GNB1: variants seen among roughly 807,000 people sequenced by gnomAD.
The protein encoded by GNB1 is guanine nucleotide-binding protein G(I)/G(S)/G(T) subunit beta-1.
A neutral mutation model predicts 42.9 loss-of-function variants in GNB1; 2 were observed. The ratio of observed to expected loss-of-function variants is 0.05; its 90% CI spans 0.02 to 0.15. The LOEUF is 0.15. GNB1 is among the 10% of genes least tolerant of loss of function. GNB1 has a pLI of 1.00. For missense variants in GNB1, 193 were observed against 462.2 expected (o/e 0.42, Z 5.34); for synonymous variants, 183 against 174.7 (o/e 1.05, Z -0.38).
chr1:1,843,598 T>C (rs1301538217), intron 1 of GNB1, among the ~76,000 whole-genome samples: 4 of 152,112 alleles, frequency 2.6e-5, no homozygotes, highest in Admixed American at 6.6e-5. Context: ...ATGCTAAAAG[T>C]GCTATCAAAT....
intron 1 of GNB1, among the ~76,000 whole-genome samples, chr1:1,840,515 G>A (rs968091970): frequency 1.3e-5 from 2 of 152,236 alleles, no homozygotes; most frequent in Admixed American, 6.5e-5. Context: ...GTGACAGTGC[G>A]AGACTCTGTC....
intron 1 of GNB1, among the ~76,000 whole-genome samples, chr1:1,870,112 T>C (rs1649168123): frequency 6.6e-6 from 1 of 152,268 alleles, no homozygotes; most frequent in African/African-American, 2.4e-5. Flanking sequence ...CTGCCCGCCA[T>C]GGCCTCCCAA....
rs1158398471 is a variant in GNB1, at chr1:1,785,871, G to A, written c.*1192C>T. ...GCTACCCAAGCGTGTAGAGCCGCGC[G>A]CTGTACTGCTTCCGATATGTGCCAC... is the stretch of plus-strand genomic sequence containing the variant. On this transcript the variant is annotated 3_prime_UTR_variant, in exon 12 of 12. Transcript: ENST00000378609. 5.1e-6 allele frequency: 2 copies of A among 394,374 alleles called. No individual in the cohort carries two copies. The highest frequency in any genetic ancestry group is 6.3e-4 in the Middle Eastern group (1 of 1,592). The allele number at this position is 394,374 out of a possible 1,614,324, so 24.4% of individuals were successfully genotyped here. A position where few individuals can be genotyped will look rare whatever the true frequency, so the allele number is the denominator to read the frequency against.
chr1:1,789,273 G>C lies in GNB1; in HGVS notation c.700-4C>G. The stretch of plus-strand genomic sequence containing the variant: ...ATGCATTGCCATTTGGAAAGAACTG[G>C]AAAGAGAAAGCAAATCAAGACATCA... On this transcript the variant is annotated splice_region_variant and splice_polypyrimidine_tract_variant and intron_variant, in intron 9 of 11. Coordinates refer to ENST00000378609, the MANE Select transcript of GNB1 (RefSeq NM_002074.5). The C allele has an allele frequency of 6.5e-7, 1 of 1,546,936 alleles. No individual in the cohort carries two copies. Among genetic ancestry groups the C allele is most frequent in the South Asian group, 1.1e-5 (1 of 89,708 alleles).
At chr1:1,812,468 A>G (rs1646795828) in intron 5 of GNB1, among the ~76,000 whole-genome samples, 1 of 152,090 alleles carries the variant, frequency 6.6e-6, no homozygotes, top group Non-Finnish European at 1.5e-5. Flanking sequence ...TTAAAGAGGC[A>G]AACACTGGCC....
intron 1 of GNB1, among the ~76,000 whole-genome samples, chr1:1,873,688 GTCACCTGTAA>G (rs1444524513): frequency 2.0e-5 from 3 of 152,140 alleles, no homozygotes. Flanking sequence ...AGGTGGGCGG[GTCACCTGTAA>G]TCCCAGCTAC....
chr1:1,786,046 T>C lies in GNB1; in HGVS notation c.*1017A>G, dbSNP rs1434286263. On this transcript the variant is annotated 3_prime_UTR_variant, in exon 12 of 12. Transcript: ENST00000378609. ...ATTCTAAGAGTAAACCCACCCAATA[T>C]GGCAAACAATCAAAATTTTTAAAAT... The C allele has an allele frequency of 5.0e-6, 2 of 398,530 alleles. No individual in the cohort carries two copies. Among genetic ancestry groups the C allele is most frequent in the Non-Finnish European group, 8.8e-6 (2 of 226,052 alleles). 24.7% of individuals were successfully genotyped at this position (398,530 alleles called of 1,614,324 possible). A position where few individuals can be genotyped will look rare whatever the true frequency, so the allele number is the denominator to read the frequency against.
chr1:1,793,186 G>C, intron 8 of GNB1, 59 bp downstream of exon 8: 3 of 1,003,902 alleles, frequency 3.0e-6, no homozygotes, highest in East Asian at 2.4e-5. Flanking sequence ...TGTTCACAGA[G>C]GAATGTGCCA....
chr1:1,850,439 C>T (rs369845495), intron 1 of GNB1, among the ~76,000 whole-genome samples: 3 of 151,612 alleles, frequency 2.0e-5, no homozygotes, highest in African/African-American at 4.8e-5. Context: ...AGCCTAAATG[C>T]TATTTTTGTT....
rs527868159 is a variant in GNB1 at position 1,859,372 on chromosome 1, A to T, written c.-95-20134T>A. Among the ~76,000 whole-genome samples, 3 of 151,940 alleles carry T rather than the reference A, an allele frequency of 2.0e-5. No homozygotes were observed. The East Asian group carries it at 5.8e-4, about 30-fold the overall frequency. ...CTAACTTCCTAGGACATAAATAGTT[A>T]AACTGTTTAGATGGAAAGATTCAAC... On this transcript the variant is annotated intron_variant, in intron 1 of 11. Transcript: ENST00000378609.
intron 1 of GNB1, among the ~76,000 whole-genome samples, chr1:1,882,641 G>A (rs961559943): frequency 1.5e-4 from 23 of 152,114 alleles, no homozygotes; most frequent in African/African-American, 5.3e-4. Flanking sequence ...AACATAAATG[G>A]GCAGGGCGTG....
At chr1:1,822,354 T>C (rs1199521552) in intron 3 of GNB1, among the ~76,000 whole-genome samples, 1 of 148,020 alleles carries the variant, frequency 6.8e-6, no homozygotes, top group African/African-American at 2.5e-5. Context: ...CAGGCTGGAG[T>C]GTGCAGTGGC....
chr1:1,797,516 G>A (rs1280435174), intron 7 of GNB1, among the ~76,000 whole-genome samples: 2 of 151,676 alleles, frequency 1.3e-5, no homozygotes, highest in Admixed American at 6.6e-5. Flanking sequence ...TCTGCTCACT[G>A]CAACCTCCGC....
At chr1:1,832,658 C>A (rs1428903961) in intron 2 of GNB1, among the ~76,000 whole-genome samples, 1 of 152,184 alleles carries the variant, frequency 6.6e-6, no homozygotes, top group African/African-American at 2.4e-5. Flanking sequence ...ATGCAGCAGC[C>A]CAGGCCTCTC....
chr1:1,810,086 A>G (rs12407008), intron 5 of GNB1, among the ~76,000 whole-genome samples: 26,640 of 151,700 alleles, frequency 0.18, 3,091 homozygotes, highest in Non-Finnish European at 0.26. Context: ...ATATATATAT[A>G]TATTTTTTGA....
At chr1:1,876,921 G>C (rs975476587) in intron 1 of GNB1, among the ~76,000 whole-genome samples, 5 of 152,102 alleles carry the variant, frequency 3.3e-5, no homozygotes, top group Non-Finnish European at 7.4e-5. Context: ...AAATACCACT[G>C]ATATCTACAT....
chr1:1,852,444 A>G (rs1570716023), intron 1 of GNB1, among the ~76,000 whole-genome samples: 1 of 151,920 alleles, frequency 6.6e-6, no homozygotes, highest in Non-Finnish European at 1.5e-5. Flanking sequence ...GTTAGCCAGG[A>G]TGGTCTCGAT....
intron 1 of GNB1, among the ~76,000 whole-genome samples, chr1:1,844,174 G>A (rs1647486777): frequency 6.6e-6 from 1 of 151,364 alleles, no homozygotes; most frequent in Non-Finnish European, 1.5e-5. Context: ...CAGCCTGGGT[G>A]ACAGAGCAAG....
At chr1:1,831,176 T>G (rs1647070883) in intron 2 of GNB1, among the ~76,000 whole-genome samples, 1 of 151,826 alleles carries the variant, frequency 6.6e-6, no homozygotes, top group Non-Finnish European at 1.5e-5. Context: ...AAAAAAAAGT[T>G]ACTTGATGCA....
Sources: allele counts gnomAD v4.1 joint callset (sites outside exome capture counted in the v4.1 genomes callset), GRCh38; gene constraint gnomAD v4.1.1; transcripts MANE v1.5; gene names NCBI Gene and HGNC (gene_info 2026-07-23, HGNC 2026-07-21).